Variants in HERC4 observed in about 807,000 individuals in gnomAD.
HERC4 encodes probable E3 ubiquitin-protein ligase HERC4.
HERC4 carries 28 observed loss-of-function variants against 124.3 expected under a neutral mutation model. That is an observed-to-expected ratio of 0.23 (90% CI 0.17 to 0.31). The LOEUF (loss-of-function observed/expected upper bound fraction) is 0.31. HERC4 is among the 10% of genes least tolerant of loss of function. The pLI, the probability that HERC4 is intolerant of heterozygous loss-of-function variation, is 1.00. For missense variants in HERC4, 713 were observed against 1,229.3 expected (o/e 0.58, Z 6.28); for synonymous variants, 407 against 421.5 (o/e 0.97, Z 0.42).
chr10:67,956,540 G>A (rs1237159253), intron 17 of HERC4: 1 of 161,572 alleles, frequency 6.2e-6, no homozygotes, highest in Non-Finnish European at 1.3e-5. Flanking sequence ...ATATAAAAAG[G>A]GGACATATAA....
chr10:68,061,218 A>G (rs1293954204), intron 3 of HERC4, among the ~76,000 whole-genome samples: 1 of 152,156 alleles, frequency 6.6e-6, no homozygotes, highest in Non-Finnish European at 1.5e-5. Flanking sequence ...TGACTGCAAA[A>G]GCTTTGTTTC....
chr10:68,029,229 G>A (rs1285352170), intron 7 of HERC4, among the ~76,000 whole-genome samples: 1 of 152,072 alleles, frequency 6.6e-6, no homozygotes, highest in African/African-American at 2.4e-5. Context: ...AGTGGCTCAC[G>A]CCTATAATCC....
At chr10:67,989,854 A>T (rs1194872354) in intron 14 of HERC4, among the ~76,000 whole-genome samples, 1 of 152,022 alleles carries the variant, frequency 6.6e-6, no homozygotes, top group Non-Finnish European at 1.5e-5. Context: ...TTCCAAGAAG[A>T]TTTAAAGCCC....
intron 16 of HERC4, among the ~76,000 whole-genome samples, chr10:67,963,418 T>C (rs972340125): frequency 6.6e-6 from 1 of 152,140 alleles, no homozygotes. Flanking sequence ...GGTTTCGCCA[T>C]ATTGGCCAGA....
chr10:67,974,045 CAAAAAA>C (rs11406155), intron 15 of HERC4, among the ~76,000 whole-genome samples: 1 of 38,476 alleles, frequency 2.6e-5, no homozygotes, highest in Non-Finnish European at 4.8e-5. Context: ...GACTCTGTCT[CAAAAAA>C]AAAAAAAAAA....
At chr10:68,059,564 A>AATATTATATATCATAATATTATATATC (rs1564607628) in intron 3 of HERC4, among the ~76,000 whole-genome samples, 3 of 75,894 alleles carry the variant, frequency 4.0e-5, no homozygotes, top group African/African-American at 2.3e-4. Flanking sequence ...TATATATCAT[A>AATATTATATATCATAATATTATATATC]ATATTATATA....
At chr10:67,998,130 C>T (rs796373874) in intron 9 of HERC4, among the ~76,000 whole-genome samples, 95 of 152,022 alleles carry the variant, frequency 6.2e-4, no homozygotes, top group African/African-American at 2.1e-3. Flanking sequence ...ATCTCTTGAC[C>T]TTGTGATCCA....
chr10:68,060,596 T>C (rs769935151), intron 3 of HERC4, among the ~76,000 whole-genome samples: 6 of 152,200 alleles, frequency 3.9e-5, no homozygotes, highest in Non-Finnish European at 5.9e-5. Context: ...ATATGGTTTA[T>C]GTGTTTCTTC....
intron 23 of HERC4, among the ~76,000 whole-genome samples, chr10:67,926,761 C>T (rs756203212): frequency 6.6e-6 from 1 of 152,246 alleles, no homozygotes; most frequent in Non-Finnish European, 1.5e-5. Context: ...CCTTGTGGAG[C>T]TCACCGTCTA....
At chr10:68,051,874 G>A (rs986638918) in intron 3 of HERC4, among the ~76,000 whole-genome samples, 1 of 148,308 alleles carries the variant, frequency 6.7e-6, no homozygotes, top group Non-Finnish European at 1.5e-5. Flanking sequence ...TCACTATGTT[G>A]CCCAGGGTGA....
rs767498811 is a variant in HERC4 at position 67,972,219 on chromosome 10, G to GAA, written c.1807-5419_1807-5418dup. On this transcript the variant is annotated intron_variant, in intron 15 of 24. Coordinates refer to ENST00000373700, the MANE Select transcript of HERC4 (RefSeq NM_015601.4). ...ACAGGAGTGAAGCTCTGTCTCAAAG[G>GAA]AAAAAAAAAAAAAAAAAAAAGGCCA... 7.1e-3 allele frequency among the ~76,000 whole-genome samples: 363 copies of GAA among 51,198 alleles called. 7 individuals carry two copies. The highest frequency in any genetic ancestry group is 0.022 in the African/African-American group (329 of 14,930). 33.6% of individuals were successfully genotyped at this position (51,198 alleles called of 152,430 possible).
intron 21 of HERC4, 66 bp from the exon 22 acceptor site, chr10:67,936,301 A>AAGTT: frequency 2.2e-6 from 2 of 894,160 alleles, no homozygotes; most frequent in African/African-American, 1.7e-5. Flanking sequence ...CTATTATTAT[A>AAGTT]TTCTACCTTT....
At chr10:67,977,685 T>C (rs961653952) in intron 15 of HERC4, among the ~76,000 whole-genome samples, 1 of 152,140 alleles carries the variant, frequency 6.6e-6, no homozygotes, top group Non-Finnish European at 1.5e-5. Context: ...ACAAGCTGAC[T>C]AAAGAGCCCT....
At chr10:67,981,007 C>T (rs1379551643) in intron 15 of HERC4, among the ~76,000 whole-genome samples, 1 of 150,690 alleles carries the variant, frequency 6.6e-6, no homozygotes, top group Non-Finnish European at 1.5e-5. Context: ...ACTGCAAAAC[C>T]ACCAGAAATG....
At chr10:67,957,957 G>A (rs2034256705) in intron 16 of HERC4, among the ~76,000 whole-genome samples, 1 of 152,064 alleles carries the variant, frequency 6.6e-6, no homozygotes, top group African/African-American at 2.4e-5. Flanking sequence ...ACAGGTGCCT[G>A]TCACCACACC....
At chr10:67,977,243 AG>A (rs2035647898) in intron 15 of HERC4, among the ~76,000 whole-genome samples, 1 of 152,212 alleles carries the variant, frequency 6.6e-6, no homozygotes, top group African/African-American at 2.4e-5. Context: ...ATAGGGCACC[AG>A]TCAAAGTTGT....
At chr10:67,964,226 A>G (rs1419319661) in intron 16 of HERC4, among the ~76,000 whole-genome samples, 1 of 151,924 alleles carries the variant, frequency 6.6e-6, no homozygotes, top group Non-Finnish European at 1.5e-5. Context: ...AAGGTTACCA[A>G]TTACCTTCAT....
At chr10:67,984,447 A>T (rs2036138750) in intron 15 of HERC4, among the ~76,000 whole-genome samples, 1 of 152,122 alleles carries the variant, frequency 6.6e-6, no homozygotes, top group African/African-American at 2.4e-5. Flanking sequence ...AAATCAAAAC[A>T]ATTTATCTAA....
chr10:67,962,318 C>T (rs1344577081), intron 16 of HERC4, among the ~76,000 whole-genome samples: 1 of 151,566 alleles, frequency 6.6e-6, no homozygotes, highest in African/African-American at 2.4e-5. Context: ...CGATTTTCTC[C>T]TTAGCTAAAC....
Sources: allele counts gnomAD v4.1 joint callset (sites outside exome capture counted in the v4.1 genomes callset), GRCh38; gene constraint gnomAD v4.1.1; transcripts MANE v1.5; gene names NCBI Gene and HGNC (gene_info 2026-07-23, HGNC 2026-07-21).